Variants in ZBBX observed in about 807,000 individuals in gnomAD.
The protein encoded by ZBBX is zinc finger B-box domain containing, also known as zinc finger B-box domain-containing protein 1.
In ZBBX, 101 loss-of-function variants were observed where a neutral mutation model predicts 108.5. The ratio of observed to expected loss-of-function variants is 0.93; its 90% CI spans 0.79 to 1.10. The LOEUF (loss-of-function observed/expected upper bound fraction) is 1.10, where lower values mean the gene tolerates loss of function less well. Among genes scored for constraint, ZBBX ranks in the 50% least tolerant of loss-of-function variants. The pLI, the probability that ZBBX is intolerant of heterozygous loss-of-function variation, is 0.00. For missense variants in ZBBX, 1,009 were observed against 941.4 expected (o/e 1.07, Z -0.94); for synonymous variants, 356 against 323.4 (o/e 1.10, Z -1.08).
chr3:167,395,417 G>T (rs1464634), intron 1 of ZBBX, among the ~76,000 whole-genome samples: 16,167 of 152,000 alleles, frequency 0.11, 1,063 homozygotes, highest in Non-Finnish European at 0.15. Context: ...TAACAGGCAG[G>T]AGTGCCAGAG....
At chr3:167,370,969 A>G (rs1746074851) in intron 4 of ZBBX, among the ~76,000 whole-genome samples, 1 of 152,170 alleles carries the variant, frequency 6.6e-6, no homozygotes, top group South Asian at 2.1e-4. Context: ...ATAAGATTGA[A>G]ATGGTTTAGG....
chr3:167,279,325 C>A (rs1259983049), intron 20 of ZBBX, among the ~76,000 whole-genome samples: 1 of 151,418 alleles, frequency 6.6e-6, no homozygotes, highest in Admixed American at 6.6e-5. Flanking sequence ...TTGCAGACGA[C>A]ATGATTGTAT....
At chr3:167,312,495 T>G (rs1002970820) in intron 16 of ZBBX, among the ~76,000 whole-genome samples, 3 of 152,204 alleles carry the variant, frequency 2.0e-5, no homozygotes, top group Non-Finnish European at 4.4e-5. Flanking sequence ...CCAGTCTGGT[T>G]GCAGAAGCTG....
intron 20 of ZBBX, among the ~76,000 whole-genome samples, chr3:167,272,966 C>A (rs1726809640): frequency 6.6e-6 from 1 of 152,190 alleles, no homozygotes; most frequent in African/African-American, 2.4e-5. Context: ...ATATACATTT[C>A]TATTCTCATT....
intron 20 of ZBBX, among the ~76,000 whole-genome samples, chr3:167,247,689 G>A (rs1009484183): frequency 3.9e-5 from 6 of 152,090 alleles, no homozygotes; most frequent in Non-Finnish European, 5.9e-5. Context: ...TATGATCCCC[G>A]AGAGGTTAGA....
intron 1 of ZBBX, among the ~76,000 whole-genome samples, chr3:167,390,932 T>C (rs1416968013): frequency 6.6e-6 from 1 of 152,012 alleles, no homozygotes; most frequent in African/African-American, 2.4e-5. Flanking sequence ...CATCTGCAAA[T>C]GAAGATAATT....
At chr3:167,202,255 T>A in the ZBBX span, among the ~76,000 whole-genome samples, 1 of 152,254 alleles carries the variant, frequency 6.6e-6, no homozygotes, top group Middle Eastern at 3.4e-3. Context: ...AGGAAAAGTT[T>A]AGTTTTATTA....
rs1027573390 is a variant in ZBBX at position 167,378,264 on chromosome 3, G to T, written c.-132+1374C>A. Among the ~76,000 whole-genome samples the T allele has an allele frequency of 2.0e-4, 31 of 152,264 alleles. 1 individual carries two copies. The highest frequency in any genetic ancestry group is 7.2e-4 in the African/African-American group (30 of 41,562). ...TGATAGTAAAATACTGCTTCAAGGTGCTAAATGGTACCCAAGTTGCCCATT... is the reference window on the plus strand; with the variant it reads ...TGATAGTAAAATACTGCTTCAAGGTTCTAAATGGTACCCAAGTTGCCCATT... On this transcript the variant is annotated intron_variant, in intron 2 of 21. Coordinates refer to ENST00000675490, the MANE Select transcript of ZBBX (RefSeq NM_001199201.2).
intron 17 of ZBBX, among the ~76,000 whole-genome samples, chr3:167,305,423 A>G (rs1225646640): frequency 1.3e-5 from 2 of 152,126 alleles, no homozygotes; most frequent in African/African-American, 2.4e-5. Context: ...TTTATCACAG[A>G]AAGCCATTTA....
In ZBBX at chr3:167,240,798, T is replaced by C; in HGVS notation, c.2515A>G (p.Thr839Ala). ...CAGTAATGAACAAATAATCTTTAAGTACTCTTTGACCACGGTAGTGTGATG... is the reference window on the plus strand; with the variant it reads ...CAGTAATGAACAAATAATCTTTAAGCACTCTTTGACCACGGTAGTGTGATG... ...HVITLPWSKST is the reference protein window; with the variant it reads ...HVITLPWSKSA The change falls in exon 22 of 22, where the codon ACT becomes GCT. Residue 839 changes from threonine to alanine, a missense_variant. Physicochemically the swap from Thr to Ala is moderately conservative, Grantham distance 58 (BLOSUM62 0). Coordinates refer to ENST00000675490, the MANE Select transcript of ZBBX (RefSeq NM_001199201.2). 2 of 1,612,868 alleles carry C rather than the reference T, an allele frequency of 1.2e-6. No homozygotes were observed. The highest frequency in any genetic ancestry group is 1.7e-6 in the Non-Finnish European group (2 of 1,179,172).
chr3:167,289,045 T>A, intron 18 of ZBBX, 62 bp from the exon 19 acceptor site: 3 of 1,201,232 alleles, frequency 2.5e-6, no homozygotes, highest in South Asian at 1.6e-5. Context: ...ATTTTATTAG[T>A]TTTATATTTA....
chr3:167,293,371 G>C (rs1439712772), intron 18 of ZBBX, among the ~76,000 whole-genome samples: 3 of 152,126 alleles, frequency 2.0e-5, no homozygotes, highest in African/African-American at 7.2e-5. Flanking sequence ...TTCATCCCTG[G>C]ATGCAAGGCT....
chr3:167,242,594 G>C lies in ZBBX; in HGVS notation c.2304C>G (p.Phe768Leu). 1 of 1,613,680 alleles carries C rather than the reference G, an allele frequency of 6.2e-7. No individual in the cohort carries two copies. Among genetic ancestry groups the C allele is most frequent in the Non-Finnish European group, 8.5e-7 (1 of 1,179,814 alleles). The change falls in exon 21 of 22, where the codon TTC becomes TTG. Residue 768 changes from phenylalanine (F) to leucine (L), a missense_variant. By Grantham distance (22) the Phe-to-Leu change is conservative (BLOSUM62 0). Transcript: ENST00000675490. ...YSLTSEEFPD[F>L]SSQSLNISQI... ...GACTTATATTCAGTGATTGGCTGCT[G>C]AAATCTGGGAACTCTTCTGAGGTTA...
intron 12 of ZBBX, among the ~76,000 whole-genome samples, chr3:167,321,121 G>A (rs373895779): frequency 6.6e-6 from 1 of 151,960 alleles, no homozygotes; most frequent in African/African-American, 2.4e-5. Flanking sequence ...AAAGCTGAGT[G>A]AATGTTATTT....
intron 20 of ZBBX, among the ~76,000 whole-genome samples, chr3:167,254,421 C>T (rs1417795419): frequency 1.3e-5 from 2 of 151,828 alleles, no homozygotes; most frequent in Admixed American, 6.6e-5. Context: ...TAGAAAACTA[C>T]CAAAAAATGT....
At chr3:167,312,370 A>C (rs999402400) in intron 16 of ZBBX, among the ~76,000 whole-genome samples, 2 of 152,148 alleles carry the variant, frequency 1.3e-5, no homozygotes, top group African/African-American at 4.8e-5. Flanking sequence ...GTATCACATT[A>C]TACTTTTGTC....
the ZBBX span, among the ~76,000 whole-genome samples, chr3:167,222,456 T>A: frequency 3.6e-4 from 55 of 151,526 alleles, no homozygotes; most frequent in Admixed American, 8.6e-4. Context: ...AGATGATTAA[T>A]GTGGACAAAA....
intron 10 of ZBBX, among the ~76,000 whole-genome samples, chr3:167,329,542 G>A (rs1738037840): frequency 1.3e-5 from 2 of 152,242 alleles, no homozygotes; most frequent in South Asian, 4.1e-4. Context: ...CAAGAAGCAG[G>A]TAAAACTCAG....
rs866956446 is a variant in ZBBX, at chr3:167,240,785, A to G, written c.*8T>C. 6.2e-7 allele frequency: 1 copy of G among 1,611,372 alleles called. No homozygotes were observed. Among genetic ancestry groups the G allele is most frequent in the Non-Finnish European group, 8.5e-7 (1 of 1,178,494 alleles). ...TACAAAATGGAAACAGTAATGAACA[A>G]ATAATCTTTAAGTACTCTTTGACCA... is the stretch of plus-strand genomic sequence containing the variant. On this transcript the variant is annotated 3_prime_UTR_variant, in exon 22 of 22. Transcript: ENST00000675490.
Sources: gnomAD v4.1 joint callset for allele counts (sites outside exome capture counted in the v4.1 genomes callset) on GRCh38, gnomAD v4.1.1 for gene constraint, MANE v1.5 for transcripts, NCBI Gene and HGNC (gene_info 2026-07-23, HGNC 2026-07-21) for gene names.